Variants in VEZT observed in about 807,000 individuals in gnomAD.
The protein encoded by VEZT is vezatin.
VEZT carries 39 observed loss-of-function variants against 79.9 expected under a neutral mutation model. The observed-to-expected ratio is 0.49, with a 90% CI of 0.38 to 0.64. The LOEUF (loss-of-function observed/expected upper bound fraction) is 0.64. Ranked by LOEUF, VEZT falls within the 30% of genes least tolerant of loss-of-function variation. The pLI, the probability that VEZT is intolerant of heterozygous loss-of-function variation, is 0.00. For missense variants in VEZT, 837 were observed against 893.1 expected, an observed-to-expected ratio of 0.94 and a Z score of 0.80; for synonymous variants, 325 against 327.6, an observed-to-expected ratio of 0.99 and a Z score of 0.09.
intron 1 of VEZT, among the ~76,000 whole-genome samples, chr12:95,230,608 A>G: frequency 6.6e-6 from 1 of 151,114 alleles, no homozygotes. Context: ...TTGGGATAAG[A>G]AGCAAAGGAA....
At position 95,262,955 on chromosome 12, in the gene VEZT, T is replaced by C; in HGVS notation, c.308T>C (p.Val103Ala). 1 of 1,612,442 alleles carries C rather than the reference T, an allele frequency of 6.2e-7. No homozygotes were observed. Among genetic ancestry groups the C allele is most frequent in the South Asian group, 1.1e-5 (1 of 90,908 alleles). The change falls in exon 4 of 12, where the codon GTC (valine) becomes GCC (alanine). Residue 103 changes from valine (V) to alanine (A), a missense_variant. Transcript: ENST00000436874. ...DSLHTILQQE[V>A]LLQEDVELIE... ...TTACATACCATCCTGCAACAGGAAG[T>C]CCTGTTACAAGAGGATGTGGAGCTG...
intron 1 of VEZT, chr12:95,245,635 C>T (rs2057560464): frequency 2.2e-6 from 1 of 453,206 alleles, no homozygotes; most frequent in Non-Finnish European, 4.4e-6. Flanking sequence ...AAGCTTACAA[C>T]TTGTTCTATC....
chr12:95,233,639 T>C (rs2059588072), intron 1 of VEZT, among the ~76,000 whole-genome samples: 1 of 152,266 alleles, frequency 6.6e-6, no homozygotes, highest in South Asian at 2.1e-4. Flanking sequence ...TGGCCTCAAG[T>C]GATCCCCCCA....
chr12:95,232,832 G>A (rs1010530647), intron 1 of VEZT, among the ~76,000 whole-genome samples: 1 of 152,116 alleles, frequency 6.6e-6, no homozygotes, highest in African/African-American at 2.4e-5. Context: ...TTGAGACAGA[G>A]TCTCACTCTG....
At chr12:95,237,598 T>G (rs2060371021) in intron 1 of VEZT, among the ~76,000 whole-genome samples, 1 of 152,200 alleles carries the variant, frequency 6.6e-6, no homozygotes, top group Admixed American at 6.5e-5. Flanking sequence ...ATAGCCCCCA[T>G]AGCCTTGGGA....
intron 1 of VEZT, among the ~76,000 whole-genome samples, chr12:95,240,184 G>A (rs1291219355): frequency 1.3e-5 from 2 of 152,134 alleles, no homozygotes; most frequent in Non-Finnish European, 2.9e-5. Flanking sequence ...TGGACCTGTA[G>A]TATTGATATT....
intron 5 of VEZT, among the ~76,000 whole-genome samples, chr12:95,268,783 T>C (rs1026934154): frequency 2.0e-5 from 3 of 152,192 alleles, no homozygotes; most frequent in African/African-American, 7.2e-5. Flanking sequence ...GGATAATGGG[T>C]TGAAAAATGA....
chr12:95,271,903 G>A (rs2066681269), intron 6 of VEZT, among the ~76,000 whole-genome samples: 1 of 152,190 alleles, frequency 6.6e-6, no homozygotes. Context: ...ATATGGGCTT[G>A]GTGCAGTGGC....
At position 95,300,185 on chromosome 12, in the gene VEZT, C is replaced by G. The variant is rs1208706406; in HGVS notation, c.1852C>G (p.Pro618Ala). 2 of 1,532,296 alleles carry G rather than the reference C, an allele frequency of 1.3e-6. No individual in the cohort carries two copies. Among genetic ancestry groups the G allele is most frequent in the South Asian group, 1.2e-5 (1 of 80,170 alleles). The allele number at this position is 1,532,296 out of a possible 1,614,324, so 94.9% of individuals were successfully genotyped here. Reference sequence around the variant, plus strand: ...TGAAGCCGTGTTGAAATCCTTGTCTCCTGTAGACCCAGTGGAACCCATAAG... The same window carrying G: ...TGAAGCCGTGTTGAAATCCTTGTCTGCTGTAGACCCAGTGGAACCCATAAG... The part of the protein sequence containing the change: ...SDHAVLKSLS[P>A]VDPVEPISNS... The change falls in exon 12 of 12, where the codon CCT becomes GCT. Residue 618 changes from proline to alanine, a missense_variant. By Grantham distance (27) the Pro-to-Ala change is conservative. Coordinates refer to ENST00000436874, the MANE Select transcript of VEZT (RefSeq NM_017599.4).
intron 2 of VEZT, among the ~76,000 whole-genome samples, chr12:95,255,607 A>G (rs1424183079): frequency 1.3e-5 from 2 of 151,662 alleles, no homozygotes; most frequent in East Asian, 3.9e-4. Context: ...AATTTTTTGT[A>G]TTTTTAGTAG....
chr12:95,262,709 C>T lies in VEZT; in HGVS notation c.259-197C>T, dbSNP rs1023341662. Among the ~76,000 whole-genome samples, 12 of 152,294 alleles carry T rather than the reference C, an allele frequency of 7.9e-5. 1 individual carries two copies. The South Asian group carries it at 8.3e-4, about 11-fold the overall frequency. On this transcript the variant is annotated intron_variant, in intron 3 of 11. Transcript: ENST00000436874. ...CATCTGATGGCTCAATAATGTCTAT[C>T]TCAACCTTTACTGTTTCACATTTAC...
chr12:95,261,982 TTAA>T (rs2064610681), intron 3 of VEZT, among the ~76,000 whole-genome samples: 1 of 152,244 alleles, frequency 6.6e-6, no homozygotes, highest in South Asian at 2.1e-4. Context: ...GCACAATCTA[TTAA>T]TAATATCATC....
chr12:95,234,383 G>A (rs933952727), intron 1 of VEZT, among the ~76,000 whole-genome samples: 40 of 151,276 alleles, frequency 2.6e-4, no homozygotes, highest in African/African-American at 9.0e-4. Flanking sequence ...CCCGCCGGCC[G>A]GGTTCAAGCG....
rs549480441 is a variant in VEZT, at chr12:95,272,002, T to TA, written c.848+1824dup. On this transcript the variant is annotated intron_variant, in intron 6 of 11. Coordinates refer to ENST00000436874, the MANE Select transcript of VEZT (RefSeq NM_017599.4). ...GGCAATATAGTGAGACCTTGTCTCT[T>TA]AAAAAAAAAATTCTTTTAAATTAGC... Among the ~76,000 whole-genome samples the TA allele has an allele frequency of 1.1e-3, 172 of 150,278 alleles. 3 individuals carry two copies. The highest frequency in any genetic ancestry group is 1.9e-3 in the Admixed American group (28 of 15,072).
intron 1 of VEZT, among the ~76,000 whole-genome samples, chr12:95,232,103 C>A (rs1350294371): frequency 3.3e-5 from 5 of 152,098 alleles, no homozygotes; most frequent in Non-Finnish European, 7.4e-5. Flanking sequence ...TTTCCAAAAA[C>A]AATATATTGT....
chr12:95,286,160 T>C (rs190748888), intron 8 of VEZT, among the ~76,000 whole-genome samples: 37 of 152,128 alleles, frequency 2.4e-4, no homozygotes, highest in South Asian at 6.2e-4. Context: ...GCCCAGCTAA[T>C]TTTTATACTT....
At chr12:95,256,533 C>T in intron 2 of VEZT, 2 of 1,259,046 alleles carry the variant, frequency 1.6e-6, no homozygotes, top group Non-Finnish European at 1.0e-6. Context: ...TATCTTTTTT[C>T]CCATGACCCT....
At chr12:95,245,419 C>T (rs534203466) in intron 1 of VEZT, 9 of 440,584 alleles carry the variant, frequency 2.0e-5, no homozygotes, top group South Asian at 1.3e-4. Flanking sequence ...TCAATATTTC[C>T]TTGATAATGT....
At chr12:95,245,653 G>A (rs1346117759) in intron 1 of VEZT, 3 of 432,534 alleles carry the variant, frequency 6.9e-6, no homozygotes, top group Admixed American at 5.4e-5. Flanking sequence ...ATCTATAAGA[G>A]TTTAAAGCAG....
Sources: gnomAD v4.1 joint callset for allele counts (sites outside exome capture counted in the v4.1 genomes callset) on GRCh38, gnomAD v4.1.1 for gene constraint, MANE v1.5 for transcripts, NCBI Gene and HGNC (gene_info 2026-07-23, HGNC 2026-07-21) for gene names.